The following BLTP3B variants were observed in gnomAD, a reference collection of about 807,000 sequenced individuals.
BLTP3B encodes the protein bridge-like lipid transfer protein family member 3B, also known as UHRF1 (ICBP90) binding protein 1-like.
At chr12:100,142,835 C>G in the BLTP3B span, 1 of 679,710 alleles carries the variant, frequency 1.5e-6, no homozygotes, top group African/African-American at 1.9e-5. Context: ...CCACGGCCGC[C>G]GCGGGCGCCA....
the BLTP3B span, among the ~76,000 whole-genome samples, chr12:100,092,221 A>C: frequency 5.3e-5 from 8 of 152,246 alleles, no homozygotes; most frequent in African/African-American, 1.9e-4. Context: ...AAAGTTGAGC[A>C]AAGAAACACT....
the BLTP3B span, among the ~76,000 whole-genome samples, chr12:100,084,104 G>A: frequency 3.3e-5 from 5 of 151,850 alleles, no homozygotes; most frequent in East Asian, 1.9e-4. Context: ...CAGGAGAATC[G>A]CTTGAACCCG....
At chr12:100,076,463 G>A in the BLTP3B span, among the ~76,000 whole-genome samples, 1,398 of 143,956 alleles carry the variant, frequency 9.7e-3, 23 homozygotes, top group African/African-American at 0.034. Context: ...GCACAATCTC[G>A]GCCCACAACA....
chr12:100,057,967 C>CA, the BLTP3B span: 3 of 1,503,788 alleles, frequency 2.0e-6, no homozygotes, highest in Non-Finnish European at 2.7e-6. Flanking sequence ...AAAATACACT[C>CA]ATAGGCACAC....
At chr12:100,096,802 C>A in the BLTP3B span, among the ~76,000 whole-genome samples, 16 of 152,026 alleles carry the variant, frequency 1.1e-4, no homozygotes, top group South Asian at 2.9e-3. Context: ...GCCTGGGCAA[C>A]AGAGCAAGAC....
the BLTP3B span, among the ~76,000 whole-genome samples, chr12:100,107,332 T>TATA: frequency 1.5e-4 from 21 of 141,080 alleles, no homozygotes; most frequent in Non-Finnish European, 2.3e-4. Flanking sequence ...AATAATAAGT[T>TATA]ATAATAATAA....
the BLTP3B span, among the ~76,000 whole-genome samples, chr12:100,065,679 C>G: frequency 6.6e-6 from 1 of 152,158 alleles, no homozygotes; most frequent in Non-Finnish European, 1.5e-5. Context: ...ATCTTGAACC[C>G]TGTTTTCTGT....
At chr12:100,140,729 A>AAAAAAAAAAAT in the BLTP3B span, among the ~76,000 whole-genome samples, 3 of 61,492 alleles carry the variant, frequency 4.9e-5, no homozygotes, top group African/African-American at 3.1e-4. Flanking sequence ...AAAAAAAAAA[A>AAAAAAAAAAAT]ATATATATAT....
chr12:100,059,490 T>C, the BLTP3B span: 3 of 1,605,990 alleles, frequency 1.9e-6, no homozygotes, highest in African/African-American at 4.0e-5. Flanking sequence ...TGCACGTGGC[T>C]GATCTTGATG....
chr12:100,059,751 A>G, the BLTP3B span: 1,606 of 1,295,960 alleles, frequency 1.2e-3, 2 homozygotes, highest in Non-Finnish European at 1.5e-3. Context: ...TTTAAAAAAC[A>G]TAACATGAAT....
the BLTP3B span, among the ~76,000 whole-genome samples, chr12:100,095,426 T>C: frequency 1.3e-5 from 2 of 152,234 alleles, no homozygotes; most frequent in African/African-American, 4.8e-5. Context: ...TATTAAAACA[T>C]CGAATACTTT....
the BLTP3B span, chr12:100,108,315 A>G: frequency 6.7e-7 from 1 of 1,495,714 alleles, no homozygotes; most frequent in South Asian, 1.3e-5. Flanking sequence ...TTTAAAAGCT[A>G]GAGCCAAAAT....
chr12:100,093,209 C>T, the BLTP3B span, among the ~76,000 whole-genome samples: 1 of 152,202 alleles, frequency 6.6e-6, no homozygotes, highest in Non-Finnish European at 1.5e-5. Flanking sequence ...GAGAATTCTG[C>T]AGATGCCTCA....
the BLTP3B span, among the ~76,000 whole-genome samples, chr12:100,115,233 C>T: frequency 1.3e-5 from 2 of 152,018 alleles, no homozygotes; most frequent in African/African-American, 2.4e-5. Flanking sequence ...CGCGAAACCC[C>T]GTCTCCACTA....
the BLTP3B span, among the ~76,000 whole-genome samples, chr12:100,067,128 T>C: frequency 6.6e-6 from 1 of 152,246 alleles, no homozygotes; most frequent in Admixed American, 6.5e-5. Flanking sequence ...AATTAAAAAA[T>C]TCTTCGAACT....
chr12:100,098,596 T>C, the BLTP3B span: 2 of 1,521,790 alleles, frequency 1.3e-6, no homozygotes, highest in Non-Finnish European at 1.8e-6. Context: ...TTTTTAAAAA[T>C]TCTATTAATA....
chr12:100,116,515 A>G, the BLTP3B span, among the ~76,000 whole-genome samples: 1 of 152,084 alleles, frequency 6.6e-6, no homozygotes, highest in Non-Finnish European at 1.5e-5. Flanking sequence ...ATAGAGCCCA[A>G]AAAAGCATTT....
the BLTP3B span, chr12:100,095,597 ACAATTC>A: frequency 6.5e-7 from 1 of 1,541,872 alleles, no homozygotes; most frequent in Non-Finnish European, 8.8e-7. Context: ...GAAAATACCA[ACAATTC>A]CTTCTAATTT....
chr12:100,140,704 CA>C, the BLTP3B span, among the ~76,000 whole-genome samples: 133 of 33,714 alleles, frequency 3.9e-3, no homozygotes, highest in Middle Eastern at 0.017. Flanking sequence ...GACTCTGTCT[CA>C]AAAAAAAAAA....
Sources: allele counts gnomAD v4.1 joint callset (sites outside exome capture counted in the v4.1 genomes callset), GRCh38; gene constraint gnomAD v4.1.1; transcripts MANE v1.5; gene names NCBI Gene and HGNC (gene_info 2026-07-23, HGNC 2026-07-21).